Variants in GRIK1 observed in about 807,000 individuals in gnomAD.
GRIK1 encodes glutamate ionotropic receptor kainate type subunit 1, also known as glutamate receptor ionotropic, kainate 1.
In GRIK1, 69 loss-of-function variants were observed where a neutral mutation model predicts 105.7. That is an observed-to-expected ratio of 0.65 (90% CI 0.54 to 0.80). The LOEUF (loss-of-function observed/expected upper bound fraction) is 0.80. GRIK1 is among the 30% of genes least tolerant of loss of function. The pLI is 0.00. For synonymous variants in GRIK1, 438 were observed against 431.3 expected (o/e 1.02, Z -0.19); for missense variants, 1,109 against 1,167.3 (o/e 0.95, Z 0.73).
chr21:29,576,837 T>G, intron 14 of GRIK1, 127 bp downstream of exon 14: 2 of 619,478 alleles, frequency 3.2e-6, no homozygotes, highest in Non-Finnish European at 5.6e-6. Context: ...TTATAAATTT[T>G]ATTTCATTAA....
In GRIK1 at chr21:29,756,528, GA is replaced by G. The variant is rs2065346466; in HGVS notation, c.119-62466del. On this transcript the variant is annotated intron_variant, in intron 1 of 17. Transcript: ENST00000327783. ...TGCCACGTTACAGTGAGGAGCTCCA[GA>G]AAAACCCAGTAGAAATTTCTCAGGT... Among the ~76,000 whole-genome samples the G allele has an allele frequency of 4.6e-5, 7 of 152,204 alleles. No individual in the cohort carries two copies. The South Asian group carries it at 1.4e-3, about 32-fold the overall frequency.
At chr21:29,708,988 G>A (rs890601148) in intron 1 of GRIK1, among the ~76,000 whole-genome samples, 5 of 151,854 alleles carry the variant, frequency 3.3e-5, no homozygotes, top group African/African-American at 1.2e-4. Context: ...ATATCTTGAC[G>A]TGTGGTATTA....
intron 1 of GRIK1, among the ~76,000 whole-genome samples, chr21:29,924,459 T>G (rs187650179): frequency 7.9e-5 from 12 of 152,266 alleles, no homozygotes; most frequent in Admixed American, 5.2e-4. Flanking sequence ...CTTTATTCTA[T>G]GGTTACTGTA....
chr21:29,583,348 T>G (rs2091063162), intron 12 of GRIK1, among the ~76,000 whole-genome samples: 1 of 152,106 alleles, frequency 6.6e-6, no homozygotes, highest in South Asian at 2.1e-4. Context: ...GCATGCAGAG[T>G]AAAGATCCCG....
chr21:29,886,509 AG>A (rs1201621975), intron 1 of GRIK1, among the ~76,000 whole-genome samples: 1 of 152,146 alleles, frequency 6.6e-6, no homozygotes, highest in Non-Finnish European at 1.5e-5. Context: ...ATGGAGGAGA[AG>A]GGCATTCACT....
At chr21:29,932,446 G>C (rs1457916509) in intron 1 of GRIK1, among the ~76,000 whole-genome samples, 2 of 152,054 alleles carry the variant, frequency 1.3e-5, no homozygotes, top group Non-Finnish European at 1.5e-5. Flanking sequence ...ACTTGGGAAA[G>C]TTATTCTAAA....
intron 1 of GRIK1, among the ~76,000 whole-genome samples, chr21:29,874,303 C>A (rs931201886): frequency 5.9e-5 from 9 of 152,172 alleles, no homozygotes; most frequent in Admixed American, 6.5e-5. Flanking sequence ...TGAAAGAAAT[C>A]TCTCCATTGT....
intron 14 of GRIK1, among the ~76,000 whole-genome samples, chr21:29,565,388 A>G (rs1013928107): frequency 1.2e-4 from 19 of 152,224 alleles, no homozygotes; most frequent in African/African-American, 4.3e-4. Flanking sequence ...TTTAATAGGT[A>G]GAAATATCTG....
At chr21:29,865,344 C>T (rs2068769458) in intron 1 of GRIK1, among the ~76,000 whole-genome samples, 1 of 152,162 alleles carries the variant, frequency 6.6e-6, no homozygotes, top group African/African-American at 2.4e-5. Context: ...GGCCTCTATT[C>T]ATTTAGCATT....
intron 2 of GRIK1, among the ~76,000 whole-genome samples, chr21:29,690,828 A>G (rs893115972): frequency 1.1e-4 from 16 of 152,252 alleles, no homozygotes; most frequent in African/African-American, 3.9e-4. Flanking sequence ...TCTGGGATTC[A>G]TCCTATCATT....
chr21:29,870,166 G>A (rs190517592), intron 1 of GRIK1, among the ~76,000 whole-genome samples: 1 of 152,054 alleles, frequency 6.6e-6, no homozygotes, highest in Admixed American at 6.5e-5. Context: ...ACATAATAGT[G>A]TATTAAATTT....
intron 1 of GRIK1, among the ~76,000 whole-genome samples, chr21:29,723,790 T>C (rs2064383922): frequency 6.6e-6 from 1 of 152,212 alleles, no homozygotes; most frequent in African/African-American, 2.4e-5. Context: ...CATTCTTTTT[T>C]TTTTGGAACT....
Position 29,701,285 on chromosome 21 carries a change from G to A in GRIK1, c.119-7222C>T, listed in dbSNP as rs543708930. Among the ~76,000 whole-genome samples the A allele has an allele frequency of 2.0e-5, 3 of 152,298 alleles. No individual in the cohort carries two copies. In the South Asian group the frequency reaches 6.2e-4, roughly 32 times the overall value. ...TGAACAGGAAGACAGGCATTGACATGTCAGAGTGAGAGGTGAGAAAAGTGC... is the reference window on the plus strand; with the variant it reads ...TGAACAGGAAGACAGGCATTGACATATCAGAGTGAGAGGTGAGAAAAGTGC... On this transcript the variant is annotated intron_variant, in intron 1 of 17. Coordinates refer to ENST00000327783, the MANE Select transcript of GRIK1 (RefSeq NM_001330994.2).
chr21:29,881,066 C>T (rs2146182313), intron 1 of GRIK1, among the ~76,000 whole-genome samples: 1 of 152,254 alleles, frequency 6.6e-6, no homozygotes, highest in South Asian at 2.1e-4. Flanking sequence ...AAGCCTAATC[C>T]TGATTTGTTA....
intron 1 of GRIK1, among the ~76,000 whole-genome samples, chr21:29,711,489 T>C (rs1238209264): frequency 1.3e-5 from 2 of 152,028 alleles, no homozygotes; most frequent in Non-Finnish European, 2.9e-5. Context: ...AAATATCTAG[T>C]ATGAGGAATC....
intron 1 of GRIK1, among the ~76,000 whole-genome samples, chr21:29,891,300 G>A (rs905486320): frequency 7.2e-5 from 11 of 152,076 alleles, no homozygotes; most frequent in Middle Eastern, 3.2e-3. Flanking sequence ...AGAATCTCAC[G>A]CAAATATCAT....
At chr21:29,876,873 C>G (rs1055869842) in intron 1 of GRIK1, among the ~76,000 whole-genome samples, 4 of 152,094 alleles carry the variant, frequency 2.6e-5, no homozygotes, top group Non-Finnish European at 5.9e-5. Context: ...CTAGAAGAAT[C>G]ACTGAACCAA....
chr21:29,892,363 C>T (rs976701859), intron 1 of GRIK1, among the ~76,000 whole-genome samples: 1 of 152,186 alleles, frequency 6.6e-6, no homozygotes, highest in Non-Finnish European at 1.5e-5. Context: ...TTCACTAGAG[C>T]AGTGTCAAAA....
intron 3 of GRIK1, among the ~76,000 whole-genome samples, chr21:29,679,237 C>A (rs555471842): frequency 6.6e-6 from 1 of 152,196 alleles, no homozygotes; most frequent in Non-Finnish European, 1.5e-5. Flanking sequence ...TCAAATTAAT[C>A]CTTACAGTAA....
Sources: allele counts gnomAD v4.1 joint callset (sites outside exome capture counted in the v4.1 genomes callset), GRCh38; gene constraint gnomAD v4.1.1; transcripts MANE v1.5; gene names NCBI Gene and HGNC (gene_info 2026-07-23, HGNC 2026-07-21).